The following VWC2 variants were observed in gnomAD, a reference collection of about 807,000 sequenced individuals.
VWC2 encodes the protein von Willebrand factor C domain containing 2.
In VWC2, 14 loss-of-function variants were observed where a neutral mutation model predicts 29.8. The ratio of observed to expected loss-of-function variants is 0.47; its 90% CI spans 0.31 to 0.74. The LOEUF (loss-of-function observed/expected upper bound fraction) is 0.74, where lower values mean the gene tolerates loss of function less well. Among genes scored for constraint, VWC2 ranks in the 30% least tolerant of loss-of-function variants. The pLI is 0.05. For synonymous variants in VWC2, 213 were observed against 199.0 expected (o/e 1.07, Z -0.59); for missense variants, 457 against 459.8 (o/e 0.99, Z 0.05).
intron 3 of VWC2, among the ~76,000 whole-genome samples, chr7:49,845,283 A>G (rs191578438): frequency 6.6e-6 from 1 of 151,174 alleles, no homozygotes; most frequent in Admixed American, 6.5e-5. Flanking sequence ...CTGGAACTTA[A>G]AAGTCGAAGG....
chr7:49,798,926 T>C (rs497459), intron 2 of VWC2, among the ~76,000 whole-genome samples: 133,160 of 152,216 alleles, frequency 0.87, 58,340 homozygotes, highest in East Asian at 0.97. Flanking sequence ...AAGATGGCTC[T>C]GCAGAGGAGG....
chr7:49,870,897 T>C (rs986953603), intron 3 of VWC2, among the ~76,000 whole-genome samples: 1 of 152,208 alleles, frequency 6.6e-6, no homozygotes, highest in African/African-American at 2.4e-5. Flanking sequence ...GTGAACTCCA[T>C]AGAACCTAGG....
At chr7:49,875,548 G>C (rs1430313321) in intron 3 of VWC2, among the ~76,000 whole-genome samples, 1 of 151,940 alleles carries the variant, frequency 6.6e-6, no homozygotes, top group African/African-American at 2.4e-5. Context: ...GAGTCCTTTT[G>C]CATGATTGAT....
At chr7:49,830,753 G>C (rs1432658957) in intron 3 of VWC2, among the ~76,000 whole-genome samples, 1 of 152,090 alleles carries the variant, frequency 6.6e-6, no homozygotes, top group Non-Finnish European at 1.5e-5. Flanking sequence ...CCACCTATGA[G>C]TGAGAACATG....
At chr7:49,863,539 C>T (rs947704932) in intron 3 of VWC2, among the ~76,000 whole-genome samples, 1 of 152,148 alleles carries the variant, frequency 6.6e-6, no homozygotes, top group African/African-American at 2.4e-5. Flanking sequence ...TCAAGCGATC[C>T]TCCTGCCTCA....
At chr7:49,786,296 G>A (rs1788295674) in intron 2 of VWC2, among the ~76,000 whole-genome samples, 1 of 152,150 alleles carries the variant, frequency 6.6e-6, no homozygotes, top group African/African-American at 2.4e-5. Context: ...CATCCATGTT[G>A]CTGCAAAGGA....
intron 3 of VWC2, among the ~76,000 whole-genome samples, chr7:49,817,143 A>C (rs930012119): frequency 3.3e-5 from 5 of 152,230 alleles, no homozygotes; most frequent in Non-Finnish European, 7.3e-5. Context: ...GCTGTATTTC[A>C]CAGGCAAGGC....
intron 2 of VWC2, among the ~76,000 whole-genome samples, chr7:49,799,878 C>T (rs893610764): frequency 6.6e-5 from 10 of 152,162 alleles, no homozygotes; most frequent in Non-Finnish European, 1.0e-4. Flanking sequence ...CGTTACTGTC[C>T]TGAAAACTGT....
chr7:49,888,906 C>T (rs1360687365), intron 3 of VWC2, among the ~76,000 whole-genome samples: 1 of 151,418 alleles, frequency 6.6e-6, no homozygotes, highest in Non-Finnish European at 1.5e-5. Context: ...AGCGAGACTT[C>T]ATCTCAAAAA....
At chr7:49,867,822 TTTTTATTTTATTA>T (rs1790969238) in intron 3 of VWC2, among the ~76,000 whole-genome samples, 1 of 144,148 alleles carries the variant, frequency 6.9e-6, no homozygotes, top group African/African-American at 2.5e-5. Flanking sequence ...TATTTTCTAT[TTTTTATTTTATTA>T]TTTTATTTTA....
chr7:49,825,226 T>C (rs996010435), intron 3 of VWC2, among the ~76,000 whole-genome samples: 6 of 152,228 alleles, frequency 3.9e-5, no homozygotes, highest in African/African-American at 1.4e-4. Context: ...CATTTCTTCA[T>C]GTTGATTATC....
intron 2 of VWC2, among the ~76,000 whole-genome samples, chr7:49,792,761 T>C (rs707704): frequency 0.98 from 149,602 of 152,306 alleles, 73,505 homozygotes; most frequent in East Asian, 1. Context: ...GGCCAGATGT[T>C]GGAGTCACTG....
chr7:49,796,172 A>G (rs541626295), intron 2 of VWC2, among the ~76,000 whole-genome samples: 98 of 152,348 alleles, frequency 6.4e-4, no homozygotes, highest in African/African-American at 2.1e-3. Context: ...AATATACTTT[A>G]TGCTGAATAG....
rs376095475 is a variant in VWC2 at position 49,895,375 on chromosome 7, C to T, written c.827-16659C>T. Among the ~76,000 whole-genome samples, 233 of 152,304 alleles carry T rather than the reference C, an allele frequency of 1.5e-3. 3 individuals are homozygous for T. The highest frequency in any genetic ancestry group is 5.4e-3 in the African/African-American group (223 of 41,562). ...TCAATGTACGAATTCCAGGGGGACACCAATATTCAGATCACAGCATTGTGC... is the reference window on the plus strand; with the variant it reads ...TCAATGTACGAATTCCAGGGGGACATCAATATTCAGATCACAGCATTGTGC... On this transcript the variant is annotated intron_variant, in intron 3 of 3. Coordinates refer to ENST00000340652, the MANE Select transcript of VWC2 (RefSeq NM_198570.5).
At chr7:49,893,329 A>G (rs1792223969) in intron 3 of VWC2, among the ~76,000 whole-genome samples, 1 of 152,216 alleles carries the variant, frequency 6.6e-6, no homozygotes, top group Non-Finnish European at 1.5e-5. Flanking sequence ...CTATTCCTGC[A>G]TAGCACTCCC....
chr7:49,884,623 T>G (rs148162180), intron 3 of VWC2, among the ~76,000 whole-genome samples: 1 of 152,264 alleles, frequency 6.6e-6, no homozygotes, highest in African/African-American at 2.4e-5. Flanking sequence ...TAAAAACCAG[T>G]AAATATGATT....
At chr7:49,907,907 G>A (rs968971164) in intron 3 of VWC2, among the ~76,000 whole-genome samples, 3 of 152,046 alleles carry the variant, frequency 2.0e-5, no homozygotes, top group Non-Finnish European at 2.9e-5. Flanking sequence ...CCAGTAGCAC[G>A]CTTCAGAGCT....
Position 49,802,857 on chromosome 7 carries a change from T to C in VWC2, c.826+17T>C. 6.2e-7 allele frequency: 1 copy of C among 1,614,020 alleles called. No individual in the cohort carries two copies. The highest frequency in any genetic ancestry group is 8.5e-7 in the Non-Finnish European group (1 of 1,179,906). On this transcript the variant is annotated intron_variant, in intron 3 of 3. Transcript: ENST00000340652. Reference sequence around the variant, plus strand: ...GCAAAAATGGTATGTGAGATCCCCGTTGGTGACGGGGTGCACCTCCCACCC... The same window carrying C: ...GCAAAAATGGTATGTGAGATCCCCGCTGGTGACGGGGTGCACCTCCCACCC...
chr7:49,793,394 T>G (rs10224401), intron 2 of VWC2, among the ~76,000 whole-genome samples: 2 of 151,916 alleles, frequency 1.3e-5, no homozygotes, highest in South Asian at 4.2e-4. Context: ...CTCTCATTCA[T>G]CCCATCCTGT....
Sources: allele counts gnomAD v4.1 joint callset (sites outside exome capture counted in the v4.1 genomes callset), GRCh38; gene constraint gnomAD v4.1.1; transcripts MANE v1.5; gene names NCBI Gene and HGNC (gene_info 2026-07-23, HGNC 2026-07-21).